The following VRK2 variants were observed in gnomAD, a reference collection of about 807,000 sequenced individuals.
The protein encoded by VRK2 is VRK serine/threonine kinase 2, also known as serine/threonine-protein kinase VRK2.
In VRK2, 60 loss-of-function variants were observed where a neutral mutation model predicts 57.6. The ratio of observed to expected loss-of-function variants is 1.04; its 90% CI spans 0.85 to 1.29. The LOEUF (loss-of-function observed/expected upper bound fraction) is 1.29, where lower values mean the gene tolerates loss of function less well. Among genes scored for constraint, VRK2 ranks in the 50% most tolerant of loss-of-function variants. The pLI is 0.00. For missense variants in VRK2, 705 were observed against 588.1 expected, an observed-to-expected ratio of 1.20 and a Z score of -2.06; for synonymous variants, 231 against 199.2, an observed-to-expected ratio of 1.16 and a Z score of -1.35.
Position 58,138,264 on chromosome 2 carries a change from C to T in VRK2, c.857-1402C>T, listed in dbSNP as rs150582580. Among the ~76,000 whole-genome samples the T allele has an allele frequency of 4.0e-4, 61 of 152,200 alleles. 1 individual carries two copies. In the East Asian group the frequency reaches 0.011, roughly 27 times the overall value. The stretch of plus-strand genomic sequence containing the variant: ...TAATCATCCCTTTAGAAATTGGATA[C>T]CCCCGAGCCCTTGTGAAGGGGCTGC... On this transcript the variant is annotated intron_variant, in intron 10 of 12. Coordinates refer to ENST00000340157, the MANE Select transcript of VRK2 (RefSeq NM_006296.7).
At chr2:57,979,370 C>T (rs1443935123) in intron 1 of VRK2, among the ~76,000 whole-genome samples, 1 of 151,028 alleles carries the variant, frequency 6.6e-6, no homozygotes, top group Admixed American at 6.6e-5. Flanking sequence ...GACTGGCATG[C>T]GATGGTATCT....
intron 7 of VRK2, among the ~76,000 whole-genome samples, chr2:58,092,192 C>G (rs1672479241): frequency 6.6e-6 from 1 of 152,114 alleles, no homozygotes; most frequent in African/African-American, 2.4e-5. Context: ...GTCCCCTTCT[C>G]CTGGCATTGC....
intron 1 of VRK2, among the ~76,000 whole-genome samples, chr2:58,008,993 G>A (rs1673337765): frequency 6.6e-6 from 1 of 152,102 alleles, no homozygotes; most frequent in African/African-American, 2.4e-5. Context: ...GGAGAAGGTA[G>A]AAGGTGATTC....
chr2:58,108,518 CTTTT>C (rs1037824097), intron 7 of VRK2, among the ~76,000 whole-genome samples: 2 of 151,502 alleles, frequency 1.3e-5, no homozygotes, highest in African/African-American at 2.4e-5. Context: ...TTCTTTCTTT[CTTTT>C]TTTTTCCTGG....
intron 1 of VRK2, among the ~76,000 whole-genome samples, chr2:57,923,173 C>T (rs1342252534): frequency 6.6e-6 from 1 of 152,006 alleles, no homozygotes; most frequent in Non-Finnish European, 1.5e-5. Context: ...AATGGTGCTG[C>T]AATAAACATA....
intron 3 of VRK2, among the ~76,000 whole-genome samples, chr2:58,036,622 C>CA (rs544707322): frequency 8.6e-5 from 13 of 151,214 alleles, no homozygotes; most frequent in East Asian, 7.8e-4. Flanking sequence ...TATGTAAAAC[C>CA]AAAAAAAATG....
chr2:58,123,119 G>A lies in VRK2; in HGVS notation c.562G>A (p.Gly188Arg). ...NPDQVYLADYGLSYRYCPNGN... is the reference protein window; with the variant it reads ...NPDQVYLADYRLSYRYCPNGN... Reference sequence around the variant, plus strand: ...CTTCCAGGTTTATCTTGCAGATTATGGACTTTCCTACAGATATTGTCCCAA... The same window carrying A: ...CTTCCAGGTTTATCTTGCAGATTATAGACTTTCCTACAGATATTGTCCCAA... The change falls in exon 8 of 13, where the codon GGA becomes AGA. Residue 188 changes from glycine to arginine, a missense_variant. By Grantham distance (125) the Gly-to-Arg change is moderately radical. Transcript: ENST00000340157. 6.3e-7 allele frequency: 1 copy of A among 1,599,752 alleles called. No homozygotes were observed. The highest frequency in any genetic ancestry group is 8.5e-7 in the Non-Finnish European group (1 of 1,175,838).
intron 2 of VRK2, among the ~76,000 whole-genome samples, chr2:58,078,881 C>T (rs1222238390): frequency 1.3e-5 from 2 of 152,032 alleles, no homozygotes; most frequent in Admixed American, 6.6e-5. Context: ...TCTGTGTTGC[C>T]CAAACTGGTC....
At chr2:57,942,142 C>T (rs180709773) in intron 1 of VRK2, among the ~76,000 whole-genome samples, 1 of 152,048 alleles carries the variant, frequency 6.6e-6, no homozygotes, top group Non-Finnish European at 1.5e-5. Flanking sequence ...AACTTTTTAG[C>T]AGGGGAAGAA....
intron 12 of VRK2, among the ~76,000 whole-genome samples, chr2:58,152,747 T>C (rs1428009023): frequency 2.0e-5 from 3 of 151,954 alleles, no homozygotes; most frequent in Non-Finnish European, 4.4e-5. Flanking sequence ...TTTTAACAGT[T>C]TATTTTGAAG....
intron 1 of VRK2, among the ~76,000 whole-genome samples, chr2:57,946,366 C>T (rs1326328453): frequency 1.3e-5 from 2 of 151,956 alleles, no homozygotes; most frequent in Non-Finnish European, 2.9e-5. Flanking sequence ...TTACATGCCA[C>T]AAGCATTTGT....
intron 2 of VRK2, among the ~76,000 whole-genome samples, chr2:58,032,440 G>A (rs552237818): frequency 1.3e-5 from 2 of 152,140 alleles, no homozygotes; most frequent in African/African-American, 4.8e-5. Flanking sequence ...GGCAGAAAAG[G>A]GAAGTGAGCC....
chr2:58,022,564 G>A (rs1673790726), intron 1 of VRK2, among the ~76,000 whole-genome samples: 2 of 152,134 alleles, frequency 1.3e-5, no homozygotes, highest in Non-Finnish European at 1.5e-5. Context: ...GTCACAAAAC[G>A]AATATGAGAG....
At chr2:58,031,152 G>A (rs142882551) in intron 2 of VRK2, among the ~76,000 whole-genome samples, 10 of 152,128 alleles carry the variant, frequency 6.6e-5, no homozygotes, top group African/African-American at 2.4e-4. Context: ...GCAGTGGTAT[G>A]TCACAAATAA....
At chr2:58,042,479 C>T (rs1158700543), upstream of VRK2, among the ~76,000 whole-genome samples, 1 of 152,176 alleles carries the variant, frequency 6.6e-6, no homozygotes, top group Non-Finnish European at 1.5e-5. Context: ...AGGCAAAACA[C>T]GTTCACTGAT....
At chr2:58,000,020 G>T (rs183587555) in intron 1 of VRK2, among the ~76,000 whole-genome samples, 162 of 151,834 alleles carry the variant, frequency 1.1e-3, no homozygotes, top group African/African-American at 3.4e-3. Context: ...ACGCACACAC[G>T]CACACACGCA....
At chr2:58,098,025 A>T (rs1673411241) in intron 7 of VRK2, among the ~76,000 whole-genome samples, 1 of 152,024 alleles carries the variant, frequency 6.6e-6, no homozygotes, top group African/African-American at 2.4e-5. Context: ...CAGGGGGATG[A>T]GATGTGGCAG....
chr2:58,043,791 A>G (rs771097423), upstream of VRK2, among the ~76,000 whole-genome samples: 8 of 152,204 alleles, frequency 5.3e-5, no homozygotes, highest in Admixed American at 4.6e-4. Context: ...GTTTGACACT[A>G]TAAGAACCTG....
chr2:57,926,839 G>C (rs1246035854), intron 1 of VRK2, among the ~76,000 whole-genome samples: 1 of 151,356 alleles, frequency 6.6e-6, no homozygotes, highest in Non-Finnish European at 1.5e-5. Flanking sequence ...TGATTAGAGT[G>C]TTTAGTTTTT....
Sources: gnomAD v4.1 joint callset for allele counts (sites outside exome capture counted in the v4.1 genomes callset) on GRCh38, gnomAD v4.1.1 for gene constraint, MANE v1.5 for transcripts, NCBI Gene and HGNC (gene_info 2026-07-23, HGNC 2026-07-21) for gene names.